The following ADAM22 variants were observed in gnomAD, a reference collection of about 807,000 sequenced individuals.
ADAM22 encodes the protein disintegrin and metalloproteinase domain-containing protein 22.
In ADAM22, 65 loss-of-function variants were observed where a neutral mutation model predicts 144.6. The observed-to-expected ratio is 0.45, with a 90% CI of 0.37 to 0.55. The LOEUF (loss-of-function observed/expected upper bound fraction) is 0.55. Ranked by LOEUF, ADAM22 falls within the 20% of genes least tolerant of loss-of-function variation. The pLI is 0.00. For synonymous variants in ADAM22, 391 were observed against 412.6 expected (o/e 0.95, Z 0.63); for missense variants, 974 against 1,184.9 (o/e 0.82, Z 2.61).
intron 7 of ADAM22, among the ~76,000 whole-genome samples, chr7:88,118,524 A>G (rs2129491500): frequency 6.6e-6 from 1 of 152,196 alleles, no homozygotes; most frequent in Admixed American, 6.5e-5. Flanking sequence ...GTGGGAATAA[A>G]GCTATAATTT....
At chr7:87,967,458 A>G (rs1427628867) in intron 2 of ADAM22, among the ~76,000 whole-genome samples, 1 of 152,130 alleles carries the variant, frequency 6.6e-6, no homozygotes, top group Non-Finnish European at 1.5e-5. Context: ...TCCTGTCTCA[A>G]AAAGAATAAA....
chr7:87,978,262 A>C, intron 2 of ADAM22, 74 bp from the exon 3 acceptor site: 1 of 1,128,576 alleles, frequency 8.9e-7, no homozygotes, highest in Non-Finnish European at 1.3e-6. Context: ...GTTTTGAAAT[A>C]ATCATAAGAA....
At chr7:88,127,363 A>G (rs932751375) in intron 8 of ADAM22, among the ~76,000 whole-genome samples, 1 of 151,974 alleles carries the variant, frequency 6.6e-6, no homozygotes, top group African/African-American at 2.4e-5. Context: ...TGTGGCTAAT[A>G]TGGCAACTCT....
chr7:87,937,392 CT>C (rs1457260265), intron 2 of ADAM22, among the ~76,000 whole-genome samples: 5 of 152,086 alleles, frequency 3.3e-5, no homozygotes. Flanking sequence ...CAAGATTTTG[CT>C]GTTGTAGCCA....
intron 3 of ADAM22, among the ~76,000 whole-genome samples, chr7:88,018,976 A>T (rs928655620): frequency 6.6e-6 from 1 of 152,176 alleles, no homozygotes; most frequent in African/African-American, 2.4e-5. Flanking sequence ...TTGTATAAAA[A>T]GTTTTAGTAT....
chr7:88,092,379 G>C (rs188469245), intron 4 of ADAM22, among the ~76,000 whole-genome samples: 49 of 152,282 alleles, frequency 3.2e-4, no homozygotes, highest in Non-Finnish European at 5.3e-4. Flanking sequence ...AACTGATAAA[G>C]TGTTTATTTC....
At chr7:88,132,687 C>A in intron 11 of ADAM22, 180 bp from the exon 12 acceptor site, 1 of 482,050 alleles carries the variant, frequency 2.1e-6, no homozygotes, top group Non-Finnish European at 3.8e-6. Flanking sequence ...GAAAACATCC[C>A]TCATAAACCT....
At position 88,073,073 on chromosome 7, in the gene ADAM22, A is replaced by G. The variant is rs113920427; in HGVS notation, c.324-2553A>G. On this transcript the variant is annotated intron_variant, in intron 3 of 31. Coordinates refer to ENST00000413139, the MANE Select transcript of ADAM22 (RefSeq NM_001324418.2). ...CTTCACCACTCTCCTTTCCAACAAT[A>G]TTGTTCAGTTCTCTGTAAAGAATCA... 3.3e-3 allele frequency among the ~76,000 whole-genome samples: 504 copies of G among 152,290 alleles called. 2 individuals are homozygous for G. Among genetic ancestry groups the G allele is most frequent in the African/African-American group, 0.011 (474 of 41,554 alleles).
At position 88,104,127 on chromosome 7, in the gene ADAM22, C is replaced by T. The variant is rs188234818; in HGVS notation, c.391-4049C>T. 7.0e-4 allele frequency among the ~76,000 whole-genome samples: 107 copies of T among 152,152 alleles called. 1 individual carries two copies. The highest frequency in any genetic ancestry group is 3.2e-4 in the Non-Finnish European group (22 of 67,984). ...GAGATTATCTAAATGTCCATTAGTA[C>T]AGGACTGTTTAAATGAATTCTGGTT... On this transcript the variant is annotated intron_variant, in intron 4 of 31. Coordinates refer to ENST00000413139, the MANE Select transcript of ADAM22 (RefSeq NM_001324418.2).
intron 5 of ADAM22, among the ~76,000 whole-genome samples, chr7:88,112,723 A>G (rs1222948419): frequency 6.6e-6 from 1 of 152,088 alleles, no homozygotes; most frequent in African/African-American, 2.4e-5. Flanking sequence ...TTATTTTTAA[A>G]GAAATATAGG....
At chr7:87,953,396 T>C (rs921578713) in intron 2 of ADAM22, among the ~76,000 whole-genome samples, 4 of 152,354 alleles carry the variant, frequency 2.6e-5, no homozygotes, top group African/African-American at 2.4e-5. Flanking sequence ...CATTTCGTTA[T>C]GTATCCAGTA....
At chr7:88,134,564 G>T (rs1012649035) in intron 13 of ADAM22, 145 bp downstream of exon 13, 9 of 564,252 alleles carry the variant, frequency 1.6e-5, no homozygotes, top group Non-Finnish European at 2.5e-5. Flanking sequence ...ACAAACTGTT[G>T]TTTTCCAAAG....
intron 30 of ADAM22, among the ~76,000 whole-genome samples, chr7:88,188,902 C>G (rs1365531757): frequency 6.6e-6 from 1 of 152,202 alleles, no homozygotes; most frequent in Admixed American, 6.5e-5. Context: ...CCATGTTGCT[C>G]AAGCTGGTCT....
chr7:88,150,944 C>T lies in ADAM22; in HGVS notation c.1567-37C>T, dbSNP rs527554503. On this transcript the variant is annotated intron_variant, in intron 18 of 31. Coordinates refer to ENST00000413139, the MANE Select transcript of ADAM22 (RefSeq NM_001324418.2). Reference sequence around the variant, plus strand: ...GGGTTTAGCTCAGCCTTATATTTTGCACTGCATTTCATTCATAGTTGTTCT... The same window carrying T: ...GGGTTTAGCTCAGCCTTATATTTTGTACTGCATTTCATTCATAGTTGTTCT... The T allele has an allele frequency of 4.6e-6, 7 of 1,530,712 alleles. No homozygotes were observed. The South Asian group carries it at 7.9e-5, about 17-fold the overall frequency. The allele number at this position is 1,530,712 out of a possible 1,614,324, so 94.8% of individuals were successfully genotyped here.
chr7:88,077,784 C>T (rs1393958374), intron 4 of ADAM22, among the ~76,000 whole-genome samples: 1 of 152,204 alleles, frequency 6.6e-6, no homozygotes, highest in South Asian at 2.1e-4. Flanking sequence ...AAGGTGGCAG[C>T]TAGGCTGGGG....
chr7:88,149,186 T>G (rs1168631343), intron 18 of ADAM22, 129 bp downstream of exon 18: 3 of 690,376 alleles, frequency 4.3e-6, no homozygotes, highest in African/African-American at 1.8e-5. Context: ...CTCCATTTTT[T>G]TTAGGAATTT....
chr7:88,003,680 ACT>A (rs1039393196), intron 3 of ADAM22, among the ~76,000 whole-genome samples: 7 of 152,184 alleles, frequency 4.6e-5, no homozygotes, highest in Non-Finnish European at 7.3e-5. Flanking sequence ...AGAAAAGGAA[ACT>A]CTGAGTCAAA....
Position 88,019,898 on chromosome 7 carries a change from T to C in ADAM22, c.323+41486T>C, listed in dbSNP as rs939100001. 2.1e-3 allele frequency among the ~76,000 whole-genome samples: 315 copies of C among 150,228 alleles called. 1 individual carries two copies. The highest frequency in any genetic ancestry group is 7.1e-3 in the African/African-American group (287 of 40,218). Reference sequence around the variant, plus strand: ...GTGTGTGTGTGTGTGTGTGTGTGTGTGTGTGTAGATGTATTTCTTAAAAAT... The same window carrying C: ...GTGTGTGTGTGTGTGTGTGTGTGTGCGTGTGTAGATGTATTTCTTAAAAAT... On this transcript the variant is annotated intron_variant, in intron 3 of 31. Coordinates refer to ENST00000413139, the MANE Select transcript of ADAM22 (RefSeq NM_001324418.2).
At chr7:87,942,536 A>G (rs1347785801) in intron 2 of ADAM22, among the ~76,000 whole-genome samples, 4 of 152,188 alleles carry the variant, frequency 2.6e-5, no homozygotes, top group Admixed American at 6.5e-5. Context: ...TCTTACATTT[A>G]CCCCATTGGA....
Sources: allele counts gnomAD v4.1 joint callset (sites outside exome capture counted in the v4.1 genomes callset), GRCh38; gene constraint gnomAD v4.1.1; transcripts MANE v1.5; gene names NCBI Gene and HGNC (gene_info 2026-07-23, HGNC 2026-07-21).